The following STPG2 variants were observed in gnomAD, a reference collection of about 807,000 sequenced individuals.
The protein encoded by STPG2 is sperm tail PG-rich repeat containing 2, also known as sperm-tail PG-rich repeat-containing protein 2.
Under a neutral mutation model 54.2 loss-of-function variants are expected in STPG2, and 56 were observed. That is an observed-to-expected ratio of 1.03 (90% CI 0.83 to 1.29). STPG2 has a LOEUF of 1.29. Ranked by LOEUF, STPG2 falls within the 50% of genes most tolerant of loss-of-function variation. The pLI is 0.00. For synonymous variants in STPG2, 200 were observed against 181.8 expected (o/e 1.10, Z -0.81); for missense variants, 596 against 544.9 (o/e 1.09, Z -0.93).
chr4:97,573,535 AATC>A (rs909348264), intron 10 of STPG2, among the ~76,000 whole-genome samples: 1 of 151,864 alleles, frequency 6.6e-6, no homozygotes, highest in African/African-American at 2.4e-5. Flanking sequence ...TTAACATAGT[AATC>A]ATTTTAAATT....
chr4:98,088,327 T>C (rs1182033597), intron 5 of STPG2, among the ~76,000 whole-genome samples: 1 of 152,200 alleles, frequency 6.6e-6, no homozygotes, highest in Non-Finnish European at 1.5e-5. Context: ...ATGCTCTTTT[T>C]AAACCTTAGA....
chr4:97,972,706 T>G (rs79429620), intron 6 of STPG2, among the ~76,000 whole-genome samples: 1 of 152,184 alleles, frequency 6.6e-6, no homozygotes, highest in African/African-American at 2.4e-5. Context: ...GGAACTGTCA[T>G]AGGAGGAACC....
At chr4:97,972,541 A>G (rs958460649) in intron 6 of STPG2, 101 bp from the exon 7 acceptor site, 1 of 662,742 alleles carries the variant, frequency 1.5e-6, no homozygotes, top group Non-Finnish European at 2.2e-6. Context: ...TAAATAAAAA[A>G]CCCTCACATA....
chr4:98,140,660 C>A (rs1036710776), intron 1 of STPG2, among the ~76,000 whole-genome samples: 2 of 151,078 alleles, frequency 1.3e-5, no homozygotes, highest in African/African-American at 4.9e-5. Flanking sequence ...TAAAAAGGGA[C>A]CAGTATTGCT....
chr4:97,766,350 G>C (rs961426018), intron 9 of STPG2, among the ~76,000 whole-genome samples: 13 of 151,800 alleles, frequency 8.6e-5, no homozygotes, highest in East Asian at 7.7e-4. Context: ...ATCAAATATT[G>C]AGAAACATGT....
In STPG2 at chr4:97,834,718, T is replaced by G. The variant is rs145077951; in HGVS notation, c.1204+6055A>C. On this transcript the variant is annotated intron_variant, in intron 9 of 10. Coordinates refer to ENST00000295268, the MANE Select transcript of STPG2 (RefSeq NM_174952.3). ...TTATACAATTTAGACTAACCCTGCT[T>G]ATTCCTGTGTTCAACCAGTGATCTC... 2.8e-3 allele frequency among the ~76,000 whole-genome samples: 425 copies of G among 152,178 alleles called. 3 individuals are homozygous for G. The highest frequency in any genetic ancestry group is 9.4e-3 in the African/African-American group (389 of 41,522).
intron 4 of STPG2, among the ~76,000 whole-genome samples, chr4:97,479,876 G>A (rs1264026021): frequency 6.6e-6 from 1 of 151,854 alleles, no homozygotes; most frequent in Non-Finnish European, 1.5e-5. Context: ...TCCTACAATT[G>A]AACCAGCTTA....
intron 5 of STPG2, among the ~76,000 whole-genome samples, chr4:98,060,703 G>T (rs1290211474): frequency 6.6e-6 from 1 of 152,058 alleles, no homozygotes; most frequent in Non-Finnish European, 1.5e-5. Context: ...GCATGGCACT[G>T]GTACAAAAAC....
chr4:97,779,729 T>A (rs1244751374), intron 9 of STPG2, among the ~76,000 whole-genome samples: 1 of 152,172 alleles, frequency 6.6e-6, no homozygotes, highest in Non-Finnish European at 1.5e-5. Context: ...TAACAGCGGA[T>A]AACTCAGCAG....
At chr4:97,915,954 G>A (rs187328322) in intron 8 of STPG2, among the ~76,000 whole-genome samples, 37 of 152,326 alleles carry the variant, frequency 2.4e-4, no homozygotes, top group Admixed American at 5.2e-4. Flanking sequence ...GGTCACTGGT[G>A]ATAGCAGATG....
chr4:97,451,765 C>A (rs1051347609), intron 4 of STPG2, among the ~76,000 whole-genome samples: 4 of 152,162 alleles, frequency 2.6e-5, no homozygotes, highest in African/African-American at 7.2e-5. Flanking sequence ...GACTCTCCAT[C>A]TGATATCTTA....
intron 8 of STPG2, among the ~76,000 whole-genome samples, chr4:97,895,891 G>A (rs1479461323): frequency 6.6e-6 from 1 of 151,706 alleles, no homozygotes; most frequent in Non-Finnish European, 1.5e-5. Flanking sequence ...TTATTTAAGT[G>A]GTCTTGGGTA....
intron 10 of STPG2, among the ~76,000 whole-genome samples, chr4:97,568,908 T>TTG (rs1553938775): frequency 1.6e-3 from 246 of 150,604 alleles, no homozygotes; most frequent in African/African-American, 4.8e-3. Context: ...TTGTTTTTTT[T>TTG]TTTGTTTGTT....
At chr4:97,899,415 T>G (rs1291970916) in intron 8 of STPG2, among the ~76,000 whole-genome samples, 1 of 151,938 alleles carries the variant, frequency 6.6e-6, no homozygotes, top group Non-Finnish European at 1.5e-5. Flanking sequence ...ATTTACAGAT[T>G]TAATGCTTTT....
chr4:98,001,948 T>A (rs1251644706), intron 5 of STPG2, among the ~76,000 whole-genome samples: 1 of 152,002 alleles, frequency 6.6e-6, no homozygotes, highest in Admixed American at 6.6e-5. Flanking sequence ...TATCTTAGAG[T>A]ATAAGTATAT....
At chr4:97,938,799 C>T (rs1010920590) in intron 8 of STPG2, among the ~76,000 whole-genome samples, 2 of 151,996 alleles carry the variant, frequency 1.3e-5, no homozygotes, top group African/African-American at 4.8e-5. Context: ...CTGGTCAGTC[C>T]TGATGAGAGA....
At chr4:98,026,033 T>C in intron 5 of STPG2, 1 of 1,052,866 alleles carries the variant, frequency 9.5e-7, no homozygotes, top group Non-Finnish European at 1.4e-6. Context: ...TGAAGATAAT[T>C]ACAAGAAACA....
chr4:97,838,766 GATAATTCC>G (rs1728707221), intron 9 of STPG2, among the ~76,000 whole-genome samples: 1 of 151,360 alleles, frequency 6.6e-6, no homozygotes, highest in Non-Finnish European at 1.5e-5. Flanking sequence ...AATTTAAAAG[GATAATTCC>G]ATAATTACTA....
intron 8 of STPG2, among the ~76,000 whole-genome samples, chr4:97,849,602 T>A (rs372643662): frequency 6.6e-6 from 1 of 151,980 alleles, no homozygotes; most frequent in African/African-American, 2.4e-5. Context: ...CATCAAAAAG[T>A]GGGCAAAGGA....
Sources: allele counts gnomAD v4.1 joint callset (sites outside exome capture counted in the v4.1 genomes callset), GRCh38; gene constraint gnomAD v4.1.1; transcripts MANE v1.5; gene names NCBI Gene and HGNC (gene_info 2026-07-23, HGNC 2026-07-21).